EML6: variants seen among roughly 807,000 people sequenced by gnomAD.
EML6 encodes EMAP like 6, also known as echinoderm microtubule-associated protein-like 6.
Under a neutral mutation model 240.1 loss-of-function variants are expected in EML6, and 154 were observed. The ratio of observed to expected loss-of-function variants is 0.64; its 90% CI spans 0.56 to 0.73. EML6 has a LOEUF of 0.73. Among genes scored for constraint, EML6 ranks in the 30% least tolerant of loss-of-function variants. EML6 has a pLI of 0.00. For synonymous variants in EML6, 1,148 were observed against 899.0 expected (o/e 1.28, Z -4.95); for missense variants, 2,964 against 2,474.6 (o/e 1.20, Z -4.20).
chr2:54,895,648 A>C (rs1048235076), intron 21 of EML6, among the ~76,000 whole-genome samples: 3 of 152,226 alleles, frequency 2.0e-5, no homozygotes, highest in Non-Finnish European at 4.4e-5. Context: ...TCTTCTGCTT[A>C]GTGTTTTATA....
intron 36 of EML6, among the ~76,000 whole-genome samples, 182 bp from the exon 37 acceptor site, chr2:54,963,804 C>T (rs544064911): frequency 3.3e-4 from 51 of 152,342 alleles, no homozygotes; most frequent in Admixed American, 2.8e-3. Context: ...CCCCAAGCTG[C>T]TCTAATCAAG....
At chr2:54,811,506 T>C (rs961499002) in intron 2 of EML6, among the ~76,000 whole-genome samples, 2 of 152,254 alleles carry the variant, frequency 1.3e-5, no homozygotes, top group Admixed American at 1.3e-4. Context: ...TTACTGTGTA[T>C]GTATATTGAC....
chr2:54,858,914 G>A (rs1345017913), intron 11 of EML6, among the ~76,000 whole-genome samples: 3 of 152,146 alleles, frequency 2.0e-5, no homozygotes, highest in Non-Finnish European at 2.9e-5. Flanking sequence ...GGGGTTCTAG[G>A]CCTCCATGTA....
chr2:54,819,327 T>C (rs1038948004), intron 4 of EML6, among the ~76,000 whole-genome samples: 1 of 152,138 alleles, frequency 6.6e-6, no homozygotes, highest in Non-Finnish European at 1.5e-5. Flanking sequence ...TGGGCCCAAT[T>C]CCAGACCCAC....
intron 21 of EML6, among the ~76,000 whole-genome samples, chr2:54,897,421 T>C (rs1672828592): frequency 6.6e-6 from 1 of 152,220 alleles, no homozygotes; most frequent in Non-Finnish European, 1.5e-5. Flanking sequence ...TTGTCTCATC[T>C]CCACAACAGA....
At chr2:54,909,474 A>G (rs1673524683) in intron 24 of EML6, among the ~76,000 whole-genome samples, 1 of 152,242 alleles carries the variant, frequency 6.6e-6, no homozygotes, top group Non-Finnish European at 1.5e-5. Flanking sequence ...CAAATTAGAA[A>G]TGATTAAAGT....
intron 8 of EML6, among the ~76,000 whole-genome samples, chr2:54,846,578 G>C (rs1470439554): frequency 5.3e-5 from 8 of 151,034 alleles, no homozygotes; most frequent in Admixed American, 5.3e-4. Context: ...TGAACTCCTA[G>C]GCTCAAGCTA....
chr2:54,938,480 A>G (rs1198654428), intron 28 of EML6, among the ~76,000 whole-genome samples: 2 of 152,184 alleles, frequency 1.3e-5, no homozygotes, highest in East Asian at 3.9e-4. Context: ...TCCAAGCACA[A>G]GAGGCTTCCT....
intron 2 of EML6, among the ~76,000 whole-genome samples, chr2:54,771,838 C>CAAG (rs538130303): frequency 6.6e-6 from 1 of 152,132 alleles, no homozygotes; most frequent in Admixed American, 6.5e-5. Flanking sequence ...GTTACCTCTT[C>CAAG]AAGAAGAAGA....
Position 54,892,434 on chromosome 2 carries a change from C to G in EML6, c.2540-20C>G. 3 of 1,526,580 alleles carry G rather than the reference C, an allele frequency of 2.0e-6. No individual in the cohort carries two copies. The highest frequency in any genetic ancestry group is 1.4e-5 in the African/African-American group (1 of 72,484). The allele number at this position is 1,526,580 out of a possible 1,614,324, so 94.6% of individuals were successfully genotyped here. ...AGTGCCAGATTTTATAAAGTAATAA[C>G]TGTTCTTGGTCCACTCTAGGTGGGG... On this transcript the variant is annotated intron_variant, in intron 18 of 41. Transcript: ENST00000356458.
chr2:54,925,412 T>C (rs888356768), intron 26 of EML6, among the ~76,000 whole-genome samples: 3 of 152,228 alleles, frequency 2.0e-5, no homozygotes, highest in African/African-American at 7.2e-5. Flanking sequence ...TATTCTCGCA[T>C]TGAGTTCTAT....
At chr2:54,880,354 G>C (rs974597200) in intron 17 of EML6, 1 of 152,114 alleles carries the variant, frequency 6.6e-6, no homozygotes, top group African/African-American at 2.4e-5. Flanking sequence ...CTCCCTGCTC[G>C]TTCTTCTCTG....
intron 26 of EML6, among the ~76,000 whole-genome samples, chr2:54,920,602 T>C (rs1165683345): frequency 2.0e-5 from 3 of 152,146 alleles, no homozygotes; most frequent in Non-Finnish European, 4.4e-5. Flanking sequence ...CCAATCCTTT[T>C]TAAACTCTTT....
chr2:54,797,732 A>G (rs1669898482), intron 2 of EML6, among the ~76,000 whole-genome samples: 1 of 152,160 alleles, frequency 6.6e-6, no homozygotes, highest in Non-Finnish European at 1.5e-5. Flanking sequence ...TGTAGAGGTT[A>G]TAAGCACCAG....
At chr2:54,883,414 T>A (rs1573063807) in intron 17 of EML6, among the ~76,000 whole-genome samples, 1 of 152,342 alleles carries the variant, frequency 6.6e-6, no homozygotes, top group Admixed American at 6.5e-5. Flanking sequence ...TCAGTCTTCC[T>A]GTTAAAGGCT....
Position 54,937,605 on chromosome 2 carries a change from C to T in EML6, c.4004+8854C>T, listed in dbSNP as rs76083508. 3.2e-3 allele frequency among the ~76,000 whole-genome samples: 432 copies of T among 134,952 alleles called. 1 individual carries two copies. The highest frequency in any genetic ancestry group is 0.011 in the African/African-American group (415 of 36,752). 88.5% of individuals were successfully genotyped at this position (134,952 alleles called of 152,430 possible). A position where few individuals can be genotyped will look rare whatever the true frequency, so the allele number is the denominator to read the frequency against. ...AAAGTAGAAAAGTTAGTTTTTAATG[C>T]TTAAATTATATTGCCTTAGCTCCAA... On this transcript the variant is annotated intron_variant, in intron 28 of 41. Coordinates refer to ENST00000356458, the MANE Select transcript of EML6 (RefSeq NM_001039753.4).
Position 54,820,476 on chromosome 2 carries a change from T to C in EML6, c.525+14T>C. 6.6e-7 allele frequency: 1 copy of C among 1,507,710 alleles called. No individual in the cohort carries two copies. Among genetic ancestry groups the C allele is most frequent in the Non-Finnish European group, 9.0e-7 (1 of 1,112,936 alleles). The allele number at this position is 1,507,710 out of a possible 1,614,324, so 93.4% of individuals were successfully genotyped here. On this transcript the variant is annotated intron_variant, in intron 5 of 41. Transcript: ENST00000356458. The stretch of plus-strand genomic sequence containing the variant: ...AAACACATAAAGGTAAAGCTTTTTG[T>C]TTTTTAATTTTGGTACCTTGAGTGC...
At chr2:54,838,204 C>T (rs566957350) in intron 7 of EML6, among the ~76,000 whole-genome samples, 2 of 152,192 alleles carry the variant, frequency 1.3e-5, no homozygotes, top group Non-Finnish European at 2.9e-5. Flanking sequence ...TTACAGGGCT[C>T]GGATGTGACC....
intron 21 of EML6, among the ~76,000 whole-genome samples, chr2:54,898,969 A>T (rs1672916320): frequency 6.6e-6 from 1 of 152,204 alleles, no homozygotes; most frequent in African/African-American, 2.4e-5. Context: ...TAAGATACAG[A>T]TACATGGAAT....
Sources: allele counts gnomAD v4.1 joint callset (sites outside exome capture counted in the v4.1 genomes callset), GRCh38; gene constraint gnomAD v4.1.1; transcripts MANE v1.5; gene names NCBI Gene and HGNC (gene_info 2026-07-23, HGNC 2026-07-21).